Variants in LYPLAL1 observed in about 807,000 individuals in gnomAD.
LYPLAL1 encodes the protein lysophospholipase-like protein 1.
Under a neutral mutation model 19.7 loss-of-function variants are expected in LYPLAL1, and 23 were observed. That is an observed-to-expected ratio of 1.17 (90% confidence interval 0.84 to 1.65). The LOEUF is 1.65. Among genes scored for constraint, LYPLAL1 ranks in the 40% most tolerant of loss-of-function variants. LYPLAL1 has a pLI of 0.00. For synonymous variants in LYPLAL1, 119 were observed against 96.3 expected, an observed-to-expected ratio of 1.24 and a Z score of -1.38; for missense variants, 355 against 279.4, an observed-to-expected ratio of 1.27 and a Z score of -1.93.
the LYPLAL1 span, among the ~76,000 whole-genome samples, chr1:219,350,677 T>C: frequency 6.6e-6 from 1 of 152,182 alleles, no homozygotes; most frequent in Non-Finnish European, 1.5e-5. Context: ...TATGCAGATG[T>C]TGGAGGTCTC....
the LYPLAL1 span, among the ~76,000 whole-genome samples, chr1:219,345,294 C>A: frequency 2.0e-5 from 3 of 152,132 alleles, no homozygotes; most frequent in Non-Finnish European, 4.4e-5. Context: ...ATAGCAACTT[C>A]CACAGAGTAG....
the LYPLAL1 span, among the ~76,000 whole-genome samples, chr1:219,396,377 A>T: frequency 6.6e-6 from 1 of 152,072 alleles, no homozygotes; most frequent in Non-Finnish European, 1.5e-5. Flanking sequence ...TGATGCCTCC[A>T]GTTTTGTTCT....
At chr1:219,358,614 G>T in the LYPLAL1 span, among the ~76,000 whole-genome samples, 1 of 152,020 alleles carries the variant, frequency 6.6e-6, no homozygotes, top group Non-Finnish European at 1.5e-5. Flanking sequence ...GAGAGCAAAG[G>T]GGGAAGCACC....
At chr1:219,229,551 A>G in the LYPLAL1 span, among the ~76,000 whole-genome samples, 4 of 152,250 alleles carry the variant, frequency 2.6e-5, no homozygotes, top group African/African-American at 7.2e-5. Context: ...CCCGGGATAC[A>G]GAAATCTCTC....
the LYPLAL1 span, among the ~76,000 whole-genome samples, chr1:219,228,480 G>A: frequency 2.6e-5 from 4 of 151,242 alleles, no homozygotes; most frequent in South Asian, 8.5e-4. Context: ...CTTAAATGTT[G>A]CTATGTCTTA....
At chr1:219,413,664 T>C in the LYPLAL1 span, among the ~76,000 whole-genome samples, 1 of 152,194 alleles carries the variant, frequency 6.6e-6, no homozygotes, top group Non-Finnish European at 1.5e-5. Flanking sequence ...GACAGCTCCC[T>C]ACCCTTTAAA....
At chr1:219,285,758 T>C in the LYPLAL1 span, among the ~76,000 whole-genome samples, 1 of 152,180 alleles carries the variant, frequency 6.6e-6, no homozygotes, top group East Asian at 1.9e-4. Context: ...CATAAGGTTT[T>C]CTTTTAGGGG....
At chr1:219,272,791 A>AG in the LYPLAL1 span, 1 of 152,008 alleles carries the variant, frequency 6.6e-6, no homozygotes, top group African/African-American at 2.4e-5. Context: ...AAAAAGTAGG[A>AG]GGAGTAAACA....
the LYPLAL1 span, among the ~76,000 whole-genome samples, chr1:219,250,140 A>G: frequency 3.4e-4 from 51 of 152,148 alleles, no homozygotes; most frequent in African/African-American, 1.2e-3. Flanking sequence ...TCTGTGTTTA[A>G]AAGCTTAAGT....
At chr1:219,190,622 TAA>T (rs35544870) in intron 2 of LYPLAL1, among the ~76,000 whole-genome samples, 4 of 86,028 alleles carry the variant, frequency 4.6e-5, no homozygotes, top group Non-Finnish European at 6.3e-5. Context: ...TTTTGTCCAG[TAA>T]AAAAAAAAAA....
chr1:219,444,027 A>G, the LYPLAL1 span, among the ~76,000 whole-genome samples: 1 of 152,172 alleles, frequency 6.6e-6, no homozygotes, highest in Non-Finnish European at 1.5e-5. Context: ...CATGGGGAGG[A>G]CATGCAAAGT....
chr1:219,440,662 C>T, the LYPLAL1 span, among the ~76,000 whole-genome samples: 38,591 of 151,992 alleles, frequency 0.25, 5,032 homozygotes, highest in Non-Finnish European at 0.28. Flanking sequence ...AGTTATTTAA[C>T]TATGTTGAAA....
At chr1:219,399,919 GCTGGT>G in the LYPLAL1 span, among the ~76,000 whole-genome samples, 1 of 152,148 alleles carries the variant, frequency 6.6e-6, no homozygotes, top group East Asian at 1.9e-4. Context: ...CACCAAACCC[GCTGGT>G]CTCTACATCA....
At chr1:219,234,928 A>G in the LYPLAL1 span, among the ~76,000 whole-genome samples, 1 of 152,124 alleles carries the variant, frequency 6.6e-6, no homozygotes, top group Non-Finnish European at 1.5e-5. Flanking sequence ...AAATTTTTTA[A>G]GTTTATTCAT....
At chr1:219,196,793 A>G (rs537795782) in intron 3 of LYPLAL1, among the ~76,000 whole-genome samples, 4 of 152,116 alleles carry the variant, frequency 2.6e-5, no homozygotes, top group Non-Finnish European at 5.9e-5. Context: ...TAAGCAACTT[A>G]AGGAAAGTCT....
chr1:219,297,121 C>T, the LYPLAL1 span, among the ~76,000 whole-genome samples: 1 of 152,204 alleles, frequency 6.6e-6, no homozygotes, highest in Admixed American at 6.5e-5. Flanking sequence ...GTTTCTCTTT[C>T]AGCTTTCAGT....
chr1:219,285,020 C>T, the LYPLAL1 span, among the ~76,000 whole-genome samples: 1 of 152,168 alleles, frequency 6.6e-6, no homozygotes, highest in African/African-American at 2.4e-5. Context: ...AAAAATTATA[C>T]AGTGGTAGTG....
At chr1:219,271,670 A>G in the LYPLAL1 span, 4 of 152,118 alleles carry the variant, frequency 2.6e-5, no homozygotes, top group Non-Finnish European at 5.9e-5. Flanking sequence ...TAGCTGACTC[A>G]TTTTCTCAGT....
At chr1:219,417,440 T>C in the LYPLAL1 span, among the ~76,000 whole-genome samples, 1 of 152,168 alleles carries the variant, frequency 6.6e-6, no homozygotes, top group Non-Finnish European at 1.5e-5. Context: ...GCAAAGATCA[T>C]TTAAAATTGA....
Sources: gnomAD v4.1 joint callset for allele counts (sites outside exome capture counted in the v4.1 genomes callset) on GRCh38, gnomAD v4.1.1 for gene constraint, MANE v1.5 for transcripts, NCBI Gene and HGNC (gene_info 2026-07-23, HGNC 2026-07-21) for gene names.